XPO4: variants seen among roughly 807,000 people sequenced by gnomAD.
XPO4 encodes exportin 4, also known as exportin-4.
In XPO4, 39 loss-of-function variants were observed where a neutral mutation model predicts 143.0. The observed-to-expected ratio is 0.27, with a 90% CI of 0.21 to 0.36. XPO4 has a LOEUF of 0.36. Among genes scored for constraint, XPO4 ranks in the 10% least tolerant of loss-of-function variants. The probability of loss-of-function intolerance (pLI) is 1.00; values close to 1 mark genes in which losing one functional copy is unlikely to be tolerated. For missense variants in XPO4, 907 were observed against 1,348.0 expected (o/e 0.67, Z 5.12); for synonymous variants, 439 against 474.0 (o/e 0.93, Z 0.96).
intron 14 of XPO4, 42 bp downstream of exon 14, chr13:20,800,789 T>C (rs1041589142): frequency 2.3e-5 from 37 of 1,597,118 alleles, no homozygotes; most frequent in Non-Finnish European, 3.0e-5. Flanking sequence ...ATAACTGCTA[T>C]CATCATAAAT....
At chr13:20,850,508 G>C (rs2060073721) in intron 4 of XPO4, among the ~76,000 whole-genome samples, 1 of 152,116 alleles carries the variant, frequency 6.6e-6, no homozygotes, top group African/African-American at 2.4e-5. Flanking sequence ...GGCTGGACGT[G>C]GTGGCTCACA....
chr13:20,884,437 A>G (rs554938931), intron 1 of XPO4, among the ~76,000 whole-genome samples: 5 of 151,966 alleles, frequency 3.3e-5, no homozygotes, highest in Admixed American at 6.6e-5. Flanking sequence ...ATCCAATCCA[A>G]TCCAATCTAT....
At chr13:20,792,455 G>C (rs2141495461) in intron 18 of XPO4, among the ~76,000 whole-genome samples, 1 of 152,282 alleles carries the variant, frequency 6.6e-6, no homozygotes, top group Admixed American at 6.5e-5. Context: ...TATAGTCCCA[G>C]GTACTTGGGA....
intron 3 of XPO4, chr13:20,859,728 G>A (rs2060179298): frequency 2.7e-6 from 1 of 377,158 alleles, no homozygotes; most frequent in East Asian, 1.7e-4. Context: ...AGTGAGCAGA[G>A]ATCACGCCAC....
In XPO4 at chr13:20,788,591, T is replaced by C. The variant is rs374091353; in HGVS notation, c.2942A>G (p.Tyr981Cys). 6.2e-7 allele frequency: 1 copy of C among 1,608,822 alleles called. No homozygotes were observed. The highest frequency in any genetic ancestry group is 8.5e-7 in the Non-Finnish European group (1 of 1,178,308). The change falls in exon 20 of 23, where the codon TAC becomes TGC. Residue 981 changes from tyrosine (Y) to cysteine (C), a missense_variant. Coordinates refer to ENST00000255305, the MANE Select transcript of XPO4 (RefSeq NM_022459.5). ...CTCACAGATAAATGTGATTAATTTGTAGTACTGATTACAAAGGGTTGGAAA... is the reference window on the plus strand; with the variant it reads ...CTCACAGATAAATGTGATTAATTTGCAGTACTGATTACAAAGGGTTGGAAA... The part of the protein sequence containing the change: ...LKFPTLCNQY[Y>C]KLITFICEIF...
intron 18 of XPO4, among the ~76,000 whole-genome samples, chr13:20,795,403 C>T (rs2059344149): frequency 6.6e-6 from 1 of 152,236 alleles, no homozygotes. Flanking sequence ...GCACCAAAGA[C>T]ACTTTACAGC....
intron 1 of XPO4, among the ~76,000 whole-genome samples, chr13:20,899,608 A>T (rs956026983): frequency 6.6e-6 from 1 of 152,218 alleles, no homozygotes; most frequent in Admixed American, 6.5e-5. Context: ...AAAATTTGTT[A>T]CAATTTCCTT....
rs1280359597 is a variant in XPO4, at chr13:20,783,061, TG to T, written c.*660del. On this transcript the variant is annotated 3_prime_UTR_variant, in exon 23 of 23. Transcript: ENST00000255305. ...AGCTAAGAAAAAGCCAACAAACCCCTGGTGATGTTTCCCCTTCCTGCTGAAT... is the reference window on the plus strand; with the variant it reads ...AGCTAAGAAAAAGCCAACAAACCCCTGTGATGTTTCCCCTTCCTGCTGAAT... The T allele has an allele frequency of 6.6e-6, 1 of 152,192 alleles. No individual in the cohort carries two copies. The highest frequency in any genetic ancestry group is 6.5e-5 in the Admixed American group (1 of 15,284). 9.4% of individuals were successfully genotyped at this position (152,192 alleles called of 1,614,324 possible). A position where few individuals can be genotyped will look rare whatever the true frequency, so the allele number is the denominator to read the frequency against.
chr13:20,876,093 CAAAAAAAAAAA>C (rs11301411), intron 1 of XPO4, among the ~76,000 whole-genome samples: 1 of 90,740 alleles, frequency 1.1e-5, no homozygotes, highest in East Asian at 3.9e-4. Flanking sequence ...CTACTAAATA[CAAAAAAAAAAA>C]AAAAAAAAAA....
chr13:20,870,698 A>G (rs939692761), intron 1 of XPO4, among the ~76,000 whole-genome samples: 14 of 151,478 alleles, frequency 9.2e-5, no homozygotes, highest in African/African-American at 3.2e-4. Context: ...CCACTGCACT[A>G]GAGCCTAGGT....
intron 4 of XPO4, among the ~76,000 whole-genome samples, chr13:20,853,329 C>T (rs1376945329): frequency 5.1e-5 from 2 of 39,250 alleles, no homozygotes; most frequent in African/African-American, 8.7e-5. Context: ...CAAGTGAGAC[C>T]CTGTCTCAAA....
chr13:20,850,744 G>T (rs1038277471), intron 4 of XPO4: 1 of 952,122 alleles, frequency 1.1e-6, no homozygotes, highest in African/African-American at 1.8e-5. Flanking sequence ...CAGCCCAGGC[G>T]ATAGAGCGAG....
rs1051361716 is a variant in XPO4, at chr13:20,803,724, T to TATC, written c.1818-2737_1818-2735dup. 6.6e-6 allele frequency among the ~76,000 whole-genome samples: 1 copy of TATC among 152,084 alleles called. No homozygotes were observed. Among genetic ancestry groups the TATC allele is most frequent in the African/African-American group, 2.4e-5 (1 of 41,414 alleles). On this transcript the variant is annotated intron_variant, in intron 13 of 22. Coordinates refer to ENST00000255305, the MANE Select transcript of XPO4 (RefSeq NM_022459.5). This position sits in a 1 kb window ranked among gnomAD's most constrained non-coding sequence, Gnocchi z 4.1. ...TCCACCCTCATCCCCCCACCAAAGC[T>TATC]ATCGCCCTGCCCTCCTGGGTCACAC...
At chr13:20,860,855 C>A (rs1006132860) in intron 3 of XPO4, among the ~76,000 whole-genome samples, 4 of 151,964 alleles carry the variant, frequency 2.6e-5, no homozygotes, top group Admixed American at 2.6e-4. Flanking sequence ...CACTTATCTA[C>A]AGGACACATT....
intron 1 of XPO4, among the ~76,000 whole-genome samples, chr13:20,882,214 T>C (rs906649354): frequency 4.6e-5 from 7 of 151,908 alleles, no homozygotes; most frequent in East Asian, 1.9e-4. Flanking sequence ...TGAAGCATGA[T>C]AGTCCCTTCA....
chr13:20,815,640 A>T (rs1332435625), intron 9 of XPO4, among the ~76,000 whole-genome samples: 1 of 152,200 alleles, frequency 6.6e-6, no homozygotes, highest in Non-Finnish European at 1.5e-5. Flanking sequence ...TTTTCTGTTG[A>T]TCATCAAGAT....
chr13:20,817,960 TA>T (rs1176715176), intron 9 of XPO4, among the ~76,000 whole-genome samples: 2 of 137,150 alleles, frequency 1.5e-5, no homozygotes, highest in East Asian at 1.1e-3. Flanking sequence ...CATGCCTGGC[TA>T]ATTTTTGTAT....
At chr13:20,880,242 G>A (rs2060394581) in intron 1 of XPO4, among the ~76,000 whole-genome samples, 2 of 151,902 alleles carry the variant, frequency 1.3e-5, no homozygotes, top group African/African-American at 4.8e-5. Flanking sequence ...GACCAGCCTG[G>A]CCAAGATGGT....
At chr13:20,863,157 A>G (rs903279841) in intron 2 of XPO4, 25 of 1,022,290 alleles carry the variant, frequency 2.4e-5, no homozygotes, top group Middle Eastern at 4.6e-4. Flanking sequence ...AAAAATAAAA[A>G]TAAAAATATA....
Sources: allele counts gnomAD v4.1 joint callset (sites outside exome capture counted in the v4.1 genomes callset), GRCh38; gene constraint gnomAD v4.1.1; non-coding constraint Gnocchi (gnomAD v3.1); transcripts MANE v1.5; gene names NCBI Gene and HGNC (gene_info 2026-07-23, HGNC 2026-07-21).